NSMCE2: variants seen among roughly 807,000 people sequenced by gnomAD.
NSMCE2 encodes the protein NSE2 SUMO ligase component of SMC5/6 complex, also known as E3 SUMO-protein ligase NSE2.
NSMCE2 carries 24 observed loss-of-function variants against 23.8 expected under a neutral mutation model. The ratio of observed to expected loss-of-function variants is 1.01; its 90% CI spans 0.73 to 1.42. NSMCE2 has a LOEUF of 1.42. NSMCE2 is among the 40% of genes most tolerant of loss of function. The pLI is 0.00. For synonymous variants in NSMCE2, 92 were observed against 94.1 expected (o/e 0.98, Z 0.13); for missense variants, 284 against 296.5 (o/e 0.96, Z 0.31).
chr8:125,320,068 C>T (rs1405297167), intron 5 of NSMCE2, among the ~76,000 whole-genome samples: 4 of 151,286 alleles, frequency 2.6e-5, no homozygotes, highest in East Asian at 1.9e-4. Context: ...CCCACCTGCT[C>T]AGGAGGCTGC....
intron 5 of NSMCE2, among the ~76,000 whole-genome samples, chr8:125,266,041 AC>A (rs1826897101): frequency 6.6e-6 from 1 of 152,084 alleles, no homozygotes; most frequent in African/African-American, 2.4e-5. Context: ...AATAAAGAAC[AC>A]ATGAATATAG....
At chr8:125,203,364 G>A (rs1436918585) in intron 5 of NSMCE2, among the ~76,000 whole-genome samples, 1 of 152,072 alleles carries the variant, frequency 6.6e-6, no homozygotes, top group Non-Finnish European at 1.5e-5. Flanking sequence ...AAAGAGGAAG[G>A]GAAGGAGGCA....
At chr8:125,365,133 C>G (rs1397164197) in intron 7 of NSMCE2, among the ~76,000 whole-genome samples, 1 of 152,042 alleles carries the variant, frequency 6.6e-6, no homozygotes, top group Non-Finnish European at 1.5e-5. Flanking sequence ...CCCACTCAGT[C>G]TCTCTTCTAG....
At chr8:125,284,164 A>G (rs1382455727) in intron 5 of NSMCE2, among the ~76,000 whole-genome samples, 1 of 151,364 alleles carries the variant, frequency 6.6e-6, no homozygotes, top group East Asian at 1.9e-4. Flanking sequence ...AAGAAAAAAA[A>G]AAAAAGAATG....
chr8:125,248,157 A>G (rs970817368), intron 5 of NSMCE2, among the ~76,000 whole-genome samples: 3 of 152,222 alleles, frequency 2.0e-5, no homozygotes, highest in Non-Finnish European at 4.4e-5. Context: ...AATTGAAACT[A>G]AAGTGTGAAA....
At chr8:125,276,156 A>G (rs1827441962) in intron 5 of NSMCE2, among the ~76,000 whole-genome samples, 1 of 152,320 alleles carries the variant, frequency 6.6e-6, no homozygotes, top group Middle Eastern at 3.4e-3. Context: ...AAGAATGCCC[A>G]GTCCACCACT....
At chr8:125,115,115 G>T (rs1818937179) in intron 3 of NSMCE2, among the ~76,000 whole-genome samples, 1 of 152,124 alleles carries the variant, frequency 6.6e-6, no homozygotes, top group South Asian at 2.1e-4. Flanking sequence ...CTCTTTAAAT[G>T]CTTTTTGAGT....
rs1157606766 is a variant in NSMCE2 at position 125,367,023 on chromosome 8, T to G, written c.*138T>G. 1.7e-6 allele frequency: 1 copy of G among 603,696 alleles called. No individual in the cohort carries two copies. Among genetic ancestry groups the G allele is most frequent in the Non-Finnish European group, 3.0e-6 (1 of 329,816 alleles). 37.4% of individuals were successfully genotyped at this position (603,696 alleles called of 1,614,324 possible). ...GGGTAAAACTTGTTGCTTTTATGTG[T>G]GCTTGAAAACATTTTTCAAAGTTAC... On this transcript the variant is annotated 3_prime_UTR_variant, in exon 8 of 8. Coordinates refer to ENST00000287437, the MANE Select transcript of NSMCE2 (RefSeq NM_173685.4).
chr8:125,296,917 T>C lies in NSMCE2; in HGVS notation c.419-60302T>C, dbSNP rs182326100. 1.9e-3 allele frequency among the ~76,000 whole-genome samples: 292 copies of C among 152,368 alleles called. 1 individual carries two copies. Among genetic ancestry groups the C allele is most frequent in the Non-Finnish European group, 2.3e-3 (155 of 68,028 alleles). On this transcript the variant is annotated intron_variant, in intron 5 of 7. Coordinates refer to ENST00000287437, the MANE Select transcript of NSMCE2 (RefSeq NM_173685.4). ...GAATAAAAAACAACAGTGCTTATAC[T>C]GATTTTTCTTTAAGAAATCGAATAC...
At chr8:125,336,616 G>A (rs1456019714) in intron 5 of NSMCE2, among the ~76,000 whole-genome samples, 1 of 152,214 alleles carries the variant, frequency 6.6e-6, no homozygotes, top group East Asian at 1.9e-4. Flanking sequence ...GGGAGAAGTT[G>A]GCTACAAGGA....
chr8:125,152,607 G>A (rs966972633), intron 4 of NSMCE2, among the ~76,000 whole-genome samples: 1 of 152,130 alleles, frequency 6.6e-6, no homozygotes, highest in Non-Finnish European at 1.5e-5. Flanking sequence ...TACTTGATAA[G>A]CCTTTCTATC....
intron 4 of NSMCE2, among the ~76,000 whole-genome samples, chr8:125,180,298 C>T (rs1035226339): frequency 6.6e-6 from 1 of 152,168 alleles, no homozygotes; most frequent in African/African-American, 2.4e-5. Flanking sequence ...TTACATATAA[C>T]ACTTGTCATT....
intron 7 of NSMCE2, among the ~76,000 whole-genome samples, chr8:125,364,660 G>C (rs1018662279): frequency 3.3e-5 from 5 of 152,200 alleles, no homozygotes; most frequent in African/African-American, 1.2e-4. Flanking sequence ...GATAGAAATA[G>C]ATCCAGAACT....
Position 125,313,060 on chromosome 8 carries a change from C to CA in NSMCE2, c.419-44156dup, listed in dbSNP as rs1284060211. Among the ~76,000 whole-genome samples, 6 of 132,540 alleles carry CA rather than the reference C, an allele frequency of 4.5e-5. No homozygotes were observed. The East Asian group carries it at 1.4e-3, about 31-fold the overall frequency. The allele number at this position is 132,540 out of a possible 152,430, so 87.0% of individuals were successfully genotyped here. ...CCATGGCACATGTATACCTGTGTAA[C>CA]AAACCTACACGTTCTGCACATGTAT... On this transcript the variant is annotated intron_variant, in intron 5 of 7. Coordinates refer to ENST00000287437, the MANE Select transcript of NSMCE2 (RefSeq NM_173685.4).
intron 4 of NSMCE2, among the ~76,000 whole-genome samples, chr8:125,169,525 C>T (rs1198267846): frequency 1.3e-5 from 2 of 152,154 alleles, no homozygotes; most frequent in African/African-American, 2.4e-5. Flanking sequence ...TATCAGAAAT[C>T]TGTTGTCGTC....
chr8:125,334,631 A>G (rs1372412206), intron 5 of NSMCE2, among the ~76,000 whole-genome samples: 1 of 151,986 alleles, frequency 6.6e-6, no homozygotes, highest in Non-Finnish European at 1.5e-5. Flanking sequence ...CATTATAGTC[A>G]ATCTGGAAAG....
At chr8:125,246,071 G>C (rs545971206) in intron 5 of NSMCE2, among the ~76,000 whole-genome samples, 7 of 152,076 alleles carry the variant, frequency 4.6e-5, no homozygotes, top group Middle Eastern at 3.2e-3. Context: ...AACCATAGAC[G>C]TGTTGGGAAT....
intron 5 of NSMCE2, among the ~76,000 whole-genome samples, chr8:125,333,188 GA>G (rs1003258312): frequency 2.2e-4 from 33 of 151,014 alleles, no homozygotes; most frequent in African/African-American, 7.6e-4. Flanking sequence ...TCTTTTTTTA[GA>G]AACAGAGTCT....
intron 5 of NSMCE2, among the ~76,000 whole-genome samples, chr8:125,309,287 C>A (rs1414744535): frequency 2.0e-5 from 3 of 147,256 alleles, no homozygotes; most frequent in African/African-American, 7.5e-5. Context: ...TGTTGTGAAA[C>A]CACAGAGTAT....
Sources: allele counts gnomAD v4.1 joint callset (sites outside exome capture counted in the v4.1 genomes callset), GRCh38; gene constraint gnomAD v4.1.1; transcripts MANE v1.5; gene names NCBI Gene and HGNC (gene_info 2026-07-23, HGNC 2026-07-21).